The following PADI2 variants were observed in gnomAD, a reference collection of about 807,000 sequenced individuals.
The protein encoded by PADI2 is protein-arginine deiminase type-2.
In PADI2, 70 loss-of-function variants were observed where a neutral mutation model predicts 81.1. The ratio of observed to expected loss-of-function variants is 0.86; its 90% CI spans 0.71 to 1.05. The LOEUF is 1.05. Among genes scored for constraint, PADI2 ranks in the 50% least tolerant of loss-of-function variants. PADI2 has a pLI of 0.00. For missense variants in PADI2, 853 were observed against 889.9 expected (o/e 0.96, Z 0.53); for synonymous variants, 338 against 358.0 (o/e 0.94, Z 0.63).
At chr1:17,091,168 G>A (rs1159625226) in intron 6 of PADI2, among the ~76,000 whole-genome samples, 1 of 150,400 alleles carries the variant, frequency 6.6e-6, no homozygotes, top group Admixed American at 6.6e-5. Context: ...CTGCCATCCT[G>A]GCTAAATATC....
At chr1:17,101,094 G>A (rs945655907) in intron 3 of PADI2, among the ~76,000 whole-genome samples, 2 of 152,050 alleles carry the variant, frequency 1.3e-5, no homozygotes, top group African/African-American at 4.8e-5. Flanking sequence ...GGAACTTGTG[G>A]CAGTTAAATA....
At chr1:17,088,684 G>A (rs1423291008) in intron 6 of PADI2, among the ~76,000 whole-genome samples, 1 of 151,960 alleles carries the variant, frequency 6.6e-6, no homozygotes, top group Non-Finnish European at 1.5e-5. Context: ...TGAGGCGGGC[G>A]AATCACGAGG....
At chr1:17,116,426 T>C (rs570056002) in intron 1 of PADI2, among the ~76,000 whole-genome samples, 3 of 152,224 alleles carry the variant, frequency 2.0e-5, no homozygotes, top group East Asian at 1.9e-4. Flanking sequence ...CCTTGTTCCT[T>C]GGGGTCTACT....
Position 17,119,256 on chromosome 1 carries a change from G to A in PADI2, c.92+24C>T, listed in dbSNP as rs568779614. ...ATTTCTGGGCTCGAGATCTCGGCCCGGGCATCACGGTGGGCCGGCTCACCT... is the reference window on the plus strand; with the variant it reads ...ATTTCTGGGCTCGAGATCTCGGCCCAGGCATCACGGTGGGCCGGCTCACCT... On this transcript the variant is annotated intron_variant, in intron 1 of 15. Coordinates refer to ENST00000375486, the MANE Select transcript of PADI2 (RefSeq NM_007365.3). The surrounding 1 kb of genome is among the most constrained non-coding windows in gnomAD (Gnocchi z 4.8). The A allele has an allele frequency of 5.2e-4, 769 of 1,465,466 alleles. 13 individuals are homozygous for A. The South Asian group carries it at 8.1e-3, about 15-fold the overall frequency. The allele number at this position is 1,465,466 out of a possible 1,614,324, so 90.8% of individuals were successfully genotyped here.
intron 13 of PADI2, among the ~76,000 whole-genome samples, chr1:17,074,466 C>T (rs552348272): frequency 1.2e-4 from 18 of 151,920 alleles, no homozygotes; most frequent in Non-Finnish European, 2.1e-4. Context: ...AACTCCTGGA[C>T]TCAAGTGATC....
At chr1:17,108,523 C>A (rs1931464858) in intron 1 of PADI2, among the ~76,000 whole-genome samples, 1 of 152,034 alleles carries the variant, frequency 6.6e-6, no homozygotes, top group Non-Finnish European at 1.5e-5. Context: ...CCCCTGAGGG[C>A]ATGGTCCGGC....
At chr1:17,073,241 C>A (rs1211716469) in intron 13 of PADI2, among the ~76,000 whole-genome samples, 1 of 151,998 alleles carries the variant, frequency 6.6e-6, no homozygotes, top group Non-Finnish European at 1.5e-5. Flanking sequence ...CATGGTGAAA[C>A]CCCACCTCTA....
chr1:17,105,464 C>T (rs1244262365), intron 1 of PADI2, among the ~76,000 whole-genome samples: 2 of 151,934 alleles, frequency 1.3e-5, no homozygotes, highest in African/African-American at 2.4e-5. Context: ...GGCACAATCT[C>T]GGCTCACTGC....
Position 17,079,430 on chromosome 1 carries a change from C to T in PADI2, c.1159-15G>A, listed in dbSNP as rs2078327761. ...AAATCTGGGCCCTAGGCAGAGGGCACACACCTGCGTTAGTCTTCTGCAGCC... is the reference window on the plus strand; with the variant it reads ...AAATCTGGGCCCTAGGCAGAGGGCATACACCTGCGTTAGTCTTCTGCAGCC... On this transcript the variant is annotated splice_polypyrimidine_tract_variant and intron_variant, in intron 10 of 15. Coordinates refer to ENST00000375486, the MANE Select transcript of PADI2 (RefSeq NM_007365.3). The T allele has an allele frequency of 1.2e-6, 2 of 1,609,776 alleles. No homozygotes were observed. Among genetic ancestry groups the T allele is most frequent in the African/African-American group, 1.3e-5 (1 of 74,924 alleles).
rs371451064 is a variant in PADI2 at position 17,109,130 on chromosome 1, A to G, written c.93-4069T>C. 7.0e-4 allele frequency among the ~76,000 whole-genome samples: 107 copies of G among 152,124 alleles called. 2 individuals are homozygous for G. The highest frequency in any genetic ancestry group is 2.5e-3 in the African/African-American group (105 of 41,470). On this transcript the variant is annotated intron_variant, in intron 1 of 15. Coordinates refer to ENST00000375486, the MANE Select transcript of PADI2 (RefSeq NM_007365.3). Reference sequence around the variant, plus strand: ...CTGGGTGCGGTGGCTCACACCTGTAACCCCAGCACTTTGGGAGGCTGAGGT... The same window carrying G: ...CTGGGTGCGGTGGCTCACACCTGTAGCCCCAGCACTTTGGGAGGCTGAGGT...
chr1:17,077,973 C>A (rs1456187163), intron 11 of PADI2, among the ~76,000 whole-genome samples: 1 of 152,196 alleles, frequency 6.6e-6, no homozygotes, highest in African/African-American at 2.4e-5. Flanking sequence ...ATTTCTGGGG[C>A]AGGACCACGT....
intron 13 of PADI2, among the ~76,000 whole-genome samples, chr1:17,073,935 T>C (rs2078282571): frequency 6.6e-6 from 1 of 152,230 alleles, no homozygotes; most frequent in Non-Finnish European, 1.5e-5. Context: ...ATGTCTCACT[T>C]CTGGACTGAC....
chr1:17,108,984 A>T (rs968868303), intron 1 of PADI2, among the ~76,000 whole-genome samples: 1 of 152,150 alleles, frequency 6.6e-6, no homozygotes, highest in African/African-American at 2.4e-5. Flanking sequence ...TCCCTCTCTC[A>T]GTTTCATCCA....
intron 1 of PADI2, among the ~76,000 whole-genome samples, chr1:17,106,782 G>GAGA (rs1328461505): frequency 9.1e-6 from 1 of 110,220 alleles, no homozygotes; most frequent in East Asian, 3.6e-4. Context: ...GATGAGAGAG[G>GAGA]AGGAGGAGGA....
At chr1:17,092,809 C>G (rs1930750185) in intron 5 of PADI2, among the ~76,000 whole-genome samples, 3 of 151,408 alleles carry the variant, frequency 2.0e-5, no homozygotes, top group African/African-American at 7.3e-5. Flanking sequence ...ATTAGCCACG[C>G]ATGGTGGCAT....
In PADI2 at chr1:17,084,681, A is replaced by C. The variant is rs2078372294; in HGVS notation, c.856T>G (p.Phe286Val). ...MAQDIPLTPI[F>V]TDTVIFRIAP... ...ATCCGGAATATCACGGTGTCCGTGA[A>C]GATGGGAGTCAGGGGAATGTCCTGG... The change falls in exon 8 of 16, where the codon TTC becomes GTC. Residue 286 changes from phenylalanine to valine, a missense_variant. Physicochemically the swap from Phe to Val is conservative, Grantham distance 50. Transcript: ENST00000375486. 1.3e-6 allele frequency: 2 copies of C among 1,559,980 alleles called. No individual in the cohort carries two copies. The highest frequency in any genetic ancestry group is 1.4e-5 in the African/African-American group (1 of 73,372).
At chr1:17,069,388 G>C in intron 15 of PADI2, 111 bp from the exon 16 acceptor site, 1 of 805,816 alleles carries the variant, frequency 1.2e-6, no homozygotes, top group Non-Finnish European at 2.0e-6. Context: ...AGTAGTAACT[G>C]TGATTGGATA....
At chr1:17,070,456 G>A (rs2078257657) in intron 14 of PADI2, among the ~76,000 whole-genome samples, 1 of 152,150 alleles carries the variant, frequency 6.6e-6, no homozygotes, top group Non-Finnish European at 1.5e-5. Flanking sequence ...CATTTCCTGA[G>A]CACTCACTAG....
At chr1:17,097,177 G>A (rs1320486079) in intron 3 of PADI2, among the ~76,000 whole-genome samples, 1 of 152,172 alleles carries the variant, frequency 6.6e-6, no homozygotes, top group African/African-American at 2.4e-5. Context: ...ACTTGGACCT[G>A]GTGGGCGCTG....
Sources: allele counts gnomAD v4.1 joint callset (sites outside exome capture counted in the v4.1 genomes callset), GRCh38; gene constraint gnomAD v4.1.1; non-coding constraint Gnocchi (gnomAD v3.1); transcripts MANE v1.5; gene names NCBI Gene and HGNC (gene_info 2026-07-23, HGNC 2026-07-21).